Variants in CYP7B1 observed in about 807,000 individuals in gnomAD.
CYP7B1 encodes the protein cytochrome P450 7B1.
In CYP7B1, 29 loss-of-function variants were observed where a neutral mutation model predicts 42.7. That is an observed-to-expected ratio of 0.68 (90% confidence interval 0.51 to 0.93). CYP7B1 has a LOEUF of 0.93. Ranked by LOEUF, CYP7B1 falls within the 40% of genes least tolerant of loss-of-function variation. The pLI is 0.00. For synonymous variants in CYP7B1, 235 were observed against 218.2 expected (o/e 1.08, Z -0.68); for missense variants, 655 against 600.5 (o/e 1.09, Z -0.95).
At chr8:64,666,129 T>C (rs1806276491) in intron 1 of CYP7B1, among the ~76,000 whole-genome samples, 1 of 152,218 alleles carries the variant, frequency 6.6e-6, no homozygotes. Flanking sequence ...TTCTTGTTTA[T>C]GCTTTTCTGA....
intron 2 of CYP7B1, 77 bp from the exon 3 acceptor site, chr8:64,616,358 T>A (rs1291141497): frequency 1.0e-6 from 1 of 953,552 alleles, no homozygotes; most frequent in East Asian, 2.6e-5. Flanking sequence ...AATTAAAAAA[T>A]ATGTTAATCA....
chr8:64,778,900 T>C (rs1294019630), intron 1 of CYP7B1, among the ~76,000 whole-genome samples: 1 of 152,010 alleles, frequency 6.6e-6, no homozygotes, highest in Non-Finnish European at 1.5e-5. Context: ...AGCCAGTAAA[T>C]GGGATAGAGC....
chr8:64,692,193 A>G (rs958339824), intron 1 of CYP7B1, among the ~76,000 whole-genome samples: 4 of 152,206 alleles, frequency 2.6e-5, no homozygotes, highest in East Asian at 1.9e-4. Context: ...CGTAACATCA[A>G]TGTTACCTCC....
chr8:64,642,189 T>C (rs574204070), intron 1 of CYP7B1, among the ~76,000 whole-genome samples: 9 of 152,348 alleles, frequency 5.9e-5, no homozygotes, highest in African/African-American at 1.9e-4. Flanking sequence ...TATATAAATA[T>C]GTAGACATAA....
intron 1 of CYP7B1, among the ~76,000 whole-genome samples, chr8:64,711,859 CTTA>C (rs966944348): frequency 2.6e-5 from 4 of 152,246 alleles, no homozygotes; most frequent in Admixed American, 1.3e-4. Flanking sequence ...TGTTAATAGT[CTTA>C]TTATAGCACT....
chr8:64,680,147 C>A (rs1326778337), intron 1 of CYP7B1, among the ~76,000 whole-genome samples: 1 of 151,906 alleles, frequency 6.6e-6, no homozygotes, highest in Non-Finnish European at 1.5e-5. Context: ...CAAGTGAGAT[C>A]ATGTGATATT....
rs1175098664 is a variant in CYP7B1, at chr8:64,592,063, C to A, written c.*4579G>T. ...GTTGGTCAGGCATAGTGGTGGGTGC[C>A]TGTAGTCCCAGCTACTCGGAGGGCT... On this transcript the variant is annotated 3_prime_UTR_variant, in exon 6 of 6. Coordinates refer to ENST00000310193, the MANE Select transcript of CYP7B1 (RefSeq NM_004820.5). Among the ~76,000 whole-genome samples the A allele has an allele frequency of 6.6e-6, 1 of 151,882 alleles. No homozygotes were observed. The highest frequency in any genetic ancestry group is 2.4e-5 in the African/African-American group (1 of 41,322).
intron 1 of CYP7B1, among the ~76,000 whole-genome samples, chr8:64,777,985 G>T (rs1051482604): frequency 5.3e-5 from 8 of 151,594 alleles, no homozygotes; most frequent in Admixed American, 2.6e-4. Context: ...TTTTAAAATT[G>T]TGGGTATTAT....
chr8:64,798,664 G>A lies in CYP7B1; in HGVS notation c.-77C>T. 1 of 1,407,250 alleles carries A rather than the reference G, an allele frequency of 7.1e-7. No homozygotes were observed. The highest frequency in any genetic ancestry group is 9.2e-7 in the Non-Finnish European group (1 of 1,086,402). The allele number at this position is 1,407,250 out of a possible 1,614,324, so 87.2% of individuals were successfully genotyped here. On this transcript the variant is annotated 5_prime_UTR_variant, in exon 1 of 6. Transcript: ENST00000310193. Reference sequence around the variant, plus strand: ...GCGGTCGGCGACTCTGCAGCCTGCGGCGGCTTCTCTCGGCGGCGCCCCCTA... The same window carrying A: ...GCGGTCGGCGACTCTGCAGCCTGCGACGGCTTCTCTCGGCGGCGCCCCCTA...
At chr8:64,755,205 G>A (rs1807789497) in intron 1 of CYP7B1, among the ~76,000 whole-genome samples, 4 of 152,160 alleles carry the variant, frequency 2.6e-5, no homozygotes. Flanking sequence ...TAACACGGGT[G>A]ATAAACTTTT....
chr8:64,650,284 A>T (rs1246451785), intron 1 of CYP7B1, among the ~76,000 whole-genome samples: 1 of 152,224 alleles, frequency 6.6e-6, no homozygotes, highest in Non-Finnish European at 1.5e-5. Flanking sequence ...TAATATACAG[A>T]TTACTATGAA....
intron 1 of CYP7B1, among the ~76,000 whole-genome samples, chr8:64,769,340 G>C (rs759592181): frequency 1.3e-5 from 2 of 152,136 alleles, no homozygotes; most frequent in Non-Finnish European, 2.9e-5. Flanking sequence ...AAGATTCAAT[G>C]AGAGTTGGAA....
intron 1 of CYP7B1, among the ~76,000 whole-genome samples, chr8:64,752,130 T>C (rs999748847): frequency 5.3e-5 from 8 of 151,258 alleles, no homozygotes; most frequent in African/African-American, 1.5e-4. Flanking sequence ...TATCACTCAT[T>C]GCCAGCAGAT....
At chr8:64,779,999 T>C (rs1228738161) in intron 1 of CYP7B1, among the ~76,000 whole-genome samples, 2 of 152,176 alleles carry the variant, frequency 1.3e-5, no homozygotes, top group Admixed American at 6.6e-5. Flanking sequence ...GATGCAGGAA[T>C]GTTAGAGGTC....
At position 64,592,746 on chromosome 8, in the gene CYP7B1, G is replaced by T. The variant is rs1805055450; in HGVS notation, c.*3896C>A. On this transcript the variant is annotated 3_prime_UTR_variant, in exon 6 of 6. Coordinates refer to ENST00000310193, the MANE Select transcript of CYP7B1 (RefSeq NM_004820.5). ...CGTTACTGTGTTTAATCGTTACAATGAACTCTGATGTCAAAGGGCCTTATT... is the reference window on the plus strand; with the variant it reads ...CGTTACTGTGTTTAATCGTTACAATTAACTCTGATGTCAAAGGGCCTTATT... Among the ~76,000 whole-genome samples the T allele has an allele frequency of 6.6e-6, 1 of 152,128 alleles. No individual in the cohort carries two copies. The highest frequency in any genetic ancestry group is 1.5e-5 in the Non-Finnish European group (1 of 68,020).
At chr8:64,619,193 A>T (rs1360577446) in intron 2 of CYP7B1, among the ~76,000 whole-genome samples, 1 of 152,230 alleles carries the variant, frequency 6.6e-6, no homozygotes, top group Non-Finnish European at 1.5e-5. Flanking sequence ...TTAATCAGAC[A>T]GTTAGGAAAA....
intron 1 of CYP7B1, among the ~76,000 whole-genome samples, chr8:64,677,706 G>GTTTTTT (rs11435388): frequency 2.3e-5 from 2 of 86,396 alleles, no homozygotes; most frequent in Admixed American, 1.6e-4. Context: ...ACACTCCTTG[G>GTTTTTT]TTTTTTTTTT....
chr8:64,609,220 C>T (rs1344655837), intron 4 of CYP7B1, among the ~76,000 whole-genome samples: 2 of 152,204 alleles, frequency 1.3e-5, no homozygotes, highest in African/African-American at 4.8e-5. Context: ...AATACGCACA[C>T]ATTCTGGAAT....
intron 4 of CYP7B1, among the ~76,000 whole-genome samples, chr8:64,612,739 C>T (rs759961552): frequency 6.6e-6 from 1 of 152,008 alleles, no homozygotes; most frequent in Admixed American, 6.6e-5. Context: ...CTTTTTTCCT[C>T]TTATAATGAT....
Sources: gnomAD v4.1 joint callset for allele counts (sites outside exome capture counted in the v4.1 genomes callset) on GRCh38, gnomAD v4.1.1 for gene constraint, MANE v1.5 for transcripts, NCBI Gene and HGNC (gene_info 2026-07-23, HGNC 2026-07-21) for gene names.